The following MGMT variants were observed in gnomAD, a reference collection of about 807,000 sequenced individuals.
MGMT encodes the protein O-6-methylguanine-DNA methyltransferase.
A neutral mutation model predicts 15.9 loss-of-function variants in MGMT; 14 were observed. That is an observed-to-expected ratio of 0.88 (90% confidence interval 0.58 to 1.37). MGMT has a LOEUF of 1.37. Ranked by LOEUF, MGMT falls within the 40% of genes most tolerant of loss-of-function variation. The pLI is 0.00. For missense variants in MGMT, 282 were observed against 268.1 expected (o/e 1.05, Z -0.36); for synonymous variants, 130 against 118.2 (o/e 1.10, Z -0.65).
chr10:129,715,022 G>A (rs148736988), intron 3 of MGMT, among the ~76,000 whole-genome samples: 231 of 152,298 alleles, frequency 1.5e-3, no homozygotes, highest in African/African-American at 5.5e-3. Context: ...TGAGTCGGGG[G>A]TAAAGGAAGC....
At chr10:129,563,081 T>C (rs1463167857) in intron 2 of MGMT, among the ~76,000 whole-genome samples, 1 of 152,204 alleles carries the variant, frequency 6.6e-6, no homozygotes, top group Non-Finnish European at 1.5e-5. Flanking sequence ...CTGTAGCTAA[T>C]TCAAGTGTTG....
rs554942552 is a variant in MGMT at position 129,532,772 on chromosome 10, A to T, written c.-12-3469A>T. On this transcript the variant is annotated intron_variant, in intron 1 of 4. Transcript: ENST00000651593. The surrounding 1 kb of genome is among the most constrained non-coding windows in gnomAD (Gnocchi z 5.3). ...CGTGGCCATCTCAGGTTAGACCCTCAGAGTGGCACTGTCAGGTAGAGGAGT... is the reference window on the plus strand; with the variant it reads ...CGTGGCCATCTCAGGTTAGACCCTCTGAGTGGCACTGTCAGGTAGAGGAGT... Among the ~76,000 whole-genome samples the T allele has an allele frequency of 1.3e-5, 2 of 152,302 alleles. No homozygotes were observed. Among genetic ancestry groups the T allele is most frequent in the East Asian group, 3.9e-4 (2 of 5,156 alleles).
chr10:129,602,320 A>G (rs1034147454), intron 2 of MGMT, among the ~76,000 whole-genome samples: 5 of 152,152 alleles, frequency 3.3e-5, no homozygotes, highest in East Asian at 1.9e-4. Flanking sequence ...TGAAATCTCC[A>G]AGCGAGGTTG....
chr10:129,557,326 C>T (rs1846225307), intron 2 of MGMT, among the ~76,000 whole-genome samples: 1 of 152,074 alleles, frequency 6.6e-6, no homozygotes. Flanking sequence ...TGACATCTTC[C>T]CACCTTTCCC....
chr10:129,602,676 C>T (rs144493495), intron 2 of MGMT, among the ~76,000 whole-genome samples: 152 of 152,226 alleles, frequency 1.0e-3, no homozygotes, highest in African/African-American at 3.5e-3. Flanking sequence ...ATGGTGAGTG[C>T]GCCCCACGTG....
At chr10:129,701,495 T>C (rs963182762) in intron 2 of MGMT, 5 of 152,030 alleles carry the variant, frequency 3.3e-5, no homozygotes, top group African/African-American at 1.2e-4. Context: ...CTCTGGGGAG[T>C]AGAATTCATT....
At chr10:129,698,599 C>T (rs555681612) in intron 2 of MGMT, among the ~76,000 whole-genome samples, 1 of 152,266 alleles carries the variant, frequency 6.6e-6, no homozygotes, top group Admixed American at 6.5e-5. Flanking sequence ...CTGTTCACTG[C>T]CGTGGTGGTG....
At chr10:129,506,327 G>C (rs894413598) in intron 1 of MGMT, among the ~76,000 whole-genome samples, 3 of 152,126 alleles carry the variant, frequency 2.0e-5, no homozygotes, top group Non-Finnish European at 2.9e-5. Context: ...CCTACCCTCG[G>C]TTCATCCATG....
intron 3 of MGMT, among the ~76,000 whole-genome samples, chr10:129,738,155 C>T (rs540055468): frequency 2.2e-4 from 34 of 152,330 alleles, no homozygotes; most frequent in African/African-American, 7.2e-4. Context: ...CCCCAAGCCT[C>T]GCTGCCACCT....
intron 1 of MGMT, among the ~76,000 whole-genome samples, chr10:129,477,146 C>T (rs952192629): frequency 6.6e-6 from 1 of 152,184 alleles, no homozygotes; most frequent in Non-Finnish European, 1.5e-5. Flanking sequence ...CTCAGGGAAC[C>T]TCTTCTGACC....
chr10:129,520,572 T>TGCATGTACAGAGCCCCTAC (rs1845794383), intron 1 of MGMT, among the ~76,000 whole-genome samples: 1 of 143,424 alleles, frequency 7.0e-6, no homozygotes, highest in African/African-American at 2.6e-5. Flanking sequence ...AGAGCCTCTA[T>TGCATGTACAGAGCCCCTAC]GGTGCGGTGC....
At chr10:129,683,209 G>T (rs1322972287) in intron 2 of MGMT, among the ~76,000 whole-genome samples, 1 of 152,204 alleles carries the variant, frequency 6.6e-6, no homozygotes, top group Non-Finnish European at 1.5e-5. Context: ...TGGCTTTGCT[G>T]CTGTGAGTCT....
At chr10:129,567,986 A>T (rs1465510666) in intron 2 of MGMT, among the ~76,000 whole-genome samples, 1 of 152,218 alleles carries the variant, frequency 6.6e-6, no homozygotes, top group African/African-American at 2.4e-5. Context: ...TACTGTTCCC[A>T]TCGTAGCTTT....
chr10:129,703,125 A>G (rs979148762), intron 2 of MGMT, among the ~76,000 whole-genome samples: 2 of 152,242 alleles, frequency 1.3e-5, no homozygotes, highest in African/African-American at 4.8e-5. Flanking sequence ...AAGCTGTTTA[A>G]TTACATTTCA....
At chr10:129,657,644 TG>T (rs112252396) in intron 2 of MGMT, among the ~76,000 whole-genome samples, 6,709 of 121,196 alleles carry the variant, frequency 0.055, 530 homozygotes, top group African/African-American at 0.19. Flanking sequence ...GAGCTGGAGC[TG>T]GGGGGGGGAC....
At chr10:129,740,239 CTTGCCCTGCCTGGAGTATATCACAT>C (rs1305773483) in intron 3 of MGMT, among the ~76,000 whole-genome samples, 1 of 152,174 alleles carries the variant, frequency 6.6e-6, no homozygotes, top group African/African-American at 2.4e-5. Context: ...CATCAGCCCC[CTTGCCCTGCCTGGAGTATATCACAT>C]GGGCCCTGGG....
At chr10:129,575,206 T>G (rs1243877022) in intron 2 of MGMT, among the ~76,000 whole-genome samples, 1 of 152,068 alleles carries the variant, frequency 6.6e-6, no homozygotes, top group Non-Finnish European at 1.5e-5. Context: ...TACAGAACTC[T>G]CCACCCCAAA....
At chr10:129,648,276 T>C (rs1847419408) in intron 2 of MGMT, among the ~76,000 whole-genome samples, 1 of 152,180 alleles carries the variant, frequency 6.6e-6, no homozygotes, top group African/African-American at 2.4e-5. Context: ...GAATATAGTG[T>C]GTAAGGTAGC....
chr10:129,737,516 G>C (rs1004082246), intron 3 of MGMT, among the ~76,000 whole-genome samples: 2 of 152,074 alleles, frequency 1.3e-5, no homozygotes, highest in African/African-American at 4.8e-5. Flanking sequence ...CCCGTAGCTC[G>C]GAGTAATTTG....
Sources: gnomAD v4.1 joint callset for allele counts (sites outside exome capture counted in the v4.1 genomes callset) on GRCh38, gnomAD v4.1.1 for gene constraint, Gnocchi (gnomAD v3.1) non-coding constraint, MANE v1.5 for transcripts, NCBI Gene and HGNC (gene_info 2026-07-23, HGNC 2026-07-21) for gene names.